The following EXOC2 variants were observed in gnomAD, a reference collection of about 807,000 sequenced individuals.
The protein encoded by EXOC2 is exocyst complex component 2.
EXOC2 carries 70 observed loss-of-function variants against 131.8 expected under a neutral mutation model. The observed-to-expected ratio is 0.53, with a 90% CI of 0.44 to 0.65. The LOEUF (loss-of-function observed/expected upper bound fraction) is 0.65, where lower values mean the gene tolerates loss of function less well. Among genes scored for constraint, EXOC2 ranks in the 30% least tolerant of loss-of-function variants. EXOC2 has a pLI of 0.00. For missense variants in EXOC2, 923 were observed against 1,108.6 expected (o/e 0.83, Z 2.38); for synonymous variants, 411 against 398.4 (o/e 1.03, Z -0.38).
Position 538,211 on chromosome 6 carries a change from T to C in EXOC2, c.2239-5601A>G, listed in dbSNP as rs546860823. Among the ~76,000 whole-genome samples, 33 of 152,308 alleles carry C rather than the reference T, an allele frequency of 2.2e-4. No individual in the cohort carries two copies. In the South Asian group the frequency reaches 6.6e-3, roughly 31 times the overall value. On this transcript the variant is annotated intron_variant, in intron 22 of 27. Coordinates refer to ENST00000230449, the MANE Select transcript of EXOC2 (RefSeq NM_018303.6). ...AGTACACAGCTCATACTTTTTGTTG[T>C]AAGGATTTAAACAGATAATTCAGGA...
chr6:556,132 A>G, intron 18 of EXOC2, 119 bp from the exon 19 acceptor site: 5 of 922,662 alleles, frequency 5.4e-6, no homozygotes, highest in Non-Finnish European at 8.5e-6. Context: ...TGCCCTTCCT[A>G]TAAAAGGAGG....
chr6:507,081 G>A (rs1020686419), intron 23 of EXOC2, among the ~76,000 whole-genome samples: 26 of 120,144 alleles, frequency 2.2e-4, no homozygotes, highest in Admixed American at 9.8e-4. Flanking sequence ...CACACACACA[G>A]CAGTGACTAC....
rs1383030323 is a variant in EXOC2 at position 555,243 on chromosome 6, C to T, written c.2038G>A (p.Asp680Asn). The change falls in exon 20 of 28, where the codon GAT becomes AAT. Residue 680 changes from aspartate (D) to asparagine (N), a missense_variant. Asp to Asn is a conservative substitution (Grantham distance 23, BLOSUM62 1). Transcript: ENST00000230449. ...TTTACTTACTGTGTAGTATCTATAT[C>T]TGCATCAGGCTTGGTGCTCAACTGT... The part of the protein sequence containing the change: ...LEQLSTKPDA[D>N]IDTTHLSVDV... The T allele has an allele frequency of 3.3e-6, 5 of 1,519,850 alleles. No homozygotes were observed. Among genetic ancestry groups the T allele is most frequent in the Non-Finnish European group, 4.5e-6 (5 of 1,119,378 alleles). The allele number at this position is 1,519,850 out of a possible 1,614,324, so 94.1% of individuals were successfully genotyped here. A position where few individuals can be genotyped will look rare whatever the true frequency, so the allele number is the denominator to read the frequency against.
chr6:596,986 G>A (rs1417397746), intron 10 of EXOC2, among the ~76,000 whole-genome samples: 2 of 152,152 alleles, frequency 1.3e-5, no homozygotes, highest in Non-Finnish European at 2.9e-5. Context: ...ACCCTTAAAT[G>A]TATTTCTGAT....
At chr6:591,445 A>G (rs1342858924) in intron 11 of EXOC2, among the ~76,000 whole-genome samples, 1 of 151,972 alleles carries the variant, frequency 6.6e-6, no homozygotes, top group Admixed American at 6.6e-5. Flanking sequence ...CCCTTCCTGG[A>G]AGTCTTAAAT....
chr6:578,069 A>G (rs923132115), intron 11 of EXOC2, among the ~76,000 whole-genome samples: 2 of 152,226 alleles, frequency 1.3e-5, no homozygotes, highest in African/African-American at 4.8e-5. Flanking sequence ...CAGGGATAAG[A>G]AGTAAATATA....
rs374780575 is a variant in EXOC2, at chr6:656,910, C to G, written c.-43-19049G>C. The G allele has an allele frequency of 5.6e-5, 86 of 1,549,260 alleles. No homozygotes were observed. Among genetic ancestry groups the G allele is most frequent in the Admixed American group, 7.7e-5 (4 of 52,054 alleles). Reference sequence around the variant, plus strand: ...GCTGACGTGAATGAACAGCTCTAGACAGCCTTTGCCGGTGATCTTGGCGCG... The same window carrying G: ...GCTGACGTGAATGAACAGCTCTAGAGAGCCTTTGCCGGTGATCTTGGCGCG... On this transcript the variant is annotated intron_variant, in intron 1 of 27. Transcript: ENST00000230449.
chr6:486,811 C>A, intron 27 of EXOC2, 47 bp from the exon 28 acceptor site: 1 of 1,506,000 alleles, frequency 6.6e-7, no homozygotes, highest in Non-Finnish European at 9.2e-7. Context: ...ATGGGGCGGC[C>A]TAGCAACGCA....
At chr6:577,094 A>G (rs1758627664) in intron 11 of EXOC2, among the ~76,000 whole-genome samples, 1 of 152,230 alleles carries the variant, frequency 6.6e-6, no homozygotes, top group Admixed American at 6.5e-5. Flanking sequence ...GTGGGAGGAT[A>G]ATGCTATAAA....
intron 2 of EXOC2, among the ~76,000 whole-genome samples, chr6:634,160 C>T (rs776990987): frequency 8.5e-5 from 13 of 152,058 alleles, no homozygotes; most frequent in Non-Finnish European, 1.5e-4. Context: ...CCATCTCCCA[C>T]GCTCAAGCAA....
chr6:556,645 C>A, intron 17 of EXOC2, 81 bp from the exon 18 acceptor site: 1 of 1,429,986 alleles, frequency 7.0e-7, no homozygotes, highest in South Asian at 1.2e-5. Flanking sequence ...GAATATGGCC[C>A]CAAGCCCCAC....
chr6:544,721 A>T (rs1470387514), intron 22 of EXOC2, among the ~76,000 whole-genome samples: 2 of 152,242 alleles, frequency 1.3e-5, no homozygotes, highest in Non-Finnish European at 2.9e-5. Context: ...AATACAGTAC[A>T]TGCAGTTAAA....
chr6:670,584 C>A (rs1763818866), intron 1 of EXOC2, among the ~76,000 whole-genome samples: 1 of 152,040 alleles, frequency 6.6e-6, no homozygotes, highest in Admixed American at 6.5e-5. Flanking sequence ...ATTAAATCCA[C>A]AGAATGCTTC....
chr6:655,207 G>C (rs962102466), intron 1 of EXOC2, among the ~76,000 whole-genome samples: 15 of 152,156 alleles, frequency 9.9e-5, no homozygotes, highest in African/African-American at 3.6e-4. Context: ...ACCACCACTG[G>C]AATCAGTCAG....
rs200542516 is a variant in EXOC2 at position 598,101 on chromosome 6, C to T, written c.993G>A (p.Arg331=). 4.3e-6 allele frequency: 7 copies of T among 1,612,622 alleles called. No individual in the cohort carries two copies. In the African/African-American group the frequency reaches 5.3e-5, roughly 12 times the overall value. The stretch of plus-strand genomic sequence containing the variant: ...GAAGTAATTCTCTTAAAGCTTCAAT[C>T]CTTGTTTCTACTTCAGCATAATCTA... ...FKKYYAEVET[R]IEALRELLLD... Residue 331 remains arginine, a synonymous_variant, in exon 10 of 28, where the codon AGG becomes AGA. Coordinates refer to ENST00000230449, the MANE Select transcript of EXOC2 (RefSeq NM_018303.6).
chr6:559,729 G>C (rs1399465209), intron 17 of EXOC2, among the ~76,000 whole-genome samples: 1 of 152,158 alleles, frequency 6.6e-6, no homozygotes, highest in East Asian at 1.9e-4. Context: ...CTACAATCAG[G>C]CAAACGAGGT....
intron 1 of EXOC2, among the ~76,000 whole-genome samples, chr6:674,830 G>A (rs1272900593): frequency 1.3e-5 from 2 of 151,996 alleles, no homozygotes; most frequent in African/African-American, 4.8e-5. Flanking sequence ...ATTCCTAGAG[G>A]TCACAAACTA....
intron 1 of EXOC2, among the ~76,000 whole-genome samples, chr6:648,716 CTTTTTTTTTTTT>C (rs60202015): frequency 6.7e-4 from 59 of 88,536 alleles, no homozygotes; most frequent in African/African-American, 2.5e-3. Flanking sequence ...TTTAAAAACT[CTTTTTTTTTTTT>C]TTTTTTTTTT....
intron 1 of EXOC2, among the ~76,000 whole-genome samples, chr6:638,352 T>A (rs1762198664): frequency 6.6e-6 from 1 of 152,214 alleles, no homozygotes; most frequent in African/African-American, 2.4e-5. Flanking sequence ...CTCAAATCAA[T>A]GCAATATACT....
Sources: gnomAD v4.1 joint callset for allele counts (sites outside exome capture counted in the v4.1 genomes callset) on GRCh38, gnomAD v4.1.1 for gene constraint, MANE v1.5 for transcripts, NCBI Gene and HGNC (gene_info 2026-07-23, HGNC 2026-07-21) for gene names.